Variants in KCTD1 observed in about 807,000 individuals in gnomAD.
The protein encoded by KCTD1 is BTB/POZ domain-containing protein KCTD1.
Under a neutral mutation model 66.0 loss-of-function variants are expected in KCTD1, and 24 were observed. The observed-to-expected ratio is 0.36, with a 90% CI of 0.26 to 0.51. The LOEUF (loss-of-function observed/expected upper bound fraction) is 0.51. Ranked by LOEUF, KCTD1 falls within the 20% of genes least tolerant of loss-of-function variation. The pLI is 0.95. For synonymous variants in KCTD1, 511 were observed against 517.2 expected (o/e 0.99, Z 0.16); for missense variants, 943 against 1,205.2 (o/e 0.78, Z 3.22).
In KCTD1 at chr18:26,501,374, C is replaced by T. The variant is rs150557770; in HGVS notation, c.1810-124G>A. The T allele has an allele frequency of 2.8e-4, 232 of 828,784 alleles. 1 individual carries two copies. In the African/African-American group the frequency reaches 3.0e-3, roughly 11 times the overall value. 51.3% of individuals were successfully genotyped at this position (828,784 alleles called of 1,614,324 possible). On this transcript the variant is annotated intron_variant, in intron 1 of 4. Coordinates refer to ENST00000580059, the MANE Select transcript of KCTD1 (RefSeq NM_001142730.3). ...CATTCAGTAATAAAACCTGAAAAAC[C>T]GGCAAGCTCTTGCTTTTGTTATAAT...
intron 1 of KCTD1, among the ~76,000 whole-genome samples, chr18:26,609,066 G>T (rs1304617726): frequency 6.6e-6 from 1 of 152,040 alleles, no homozygotes; most frequent in Non-Finnish European, 1.5e-5. Context: ...TCAAAACTGG[G>T]GTTGTAACTC....
intron 1 of KCTD1, among the ~76,000 whole-genome samples, chr18:26,587,621 C>T (rs1357830289): frequency 6.6e-6 from 1 of 152,102 alleles, no homozygotes; most frequent in Non-Finnish European, 1.5e-5. Flanking sequence ...CATTTAGATG[C>T]CATTAAGAAC....
At chr18:26,617,192 A>G (rs903401665) in intron 1 of KCTD1, among the ~76,000 whole-genome samples, 2 of 152,224 alleles carry the variant, frequency 1.3e-5, no homozygotes, top group African/African-American at 2.4e-5. Context: ...GGCCATCCCA[A>G]AATAACCTTT....
At chr18:26,546,533 C>T (rs1985228438) in intron 1 of KCTD1, among the ~76,000 whole-genome samples, 195 bp downstream of exon 1, 1 of 152,208 alleles carries the variant, frequency 6.6e-6, no homozygotes, top group Non-Finnish European at 1.5e-5. Flanking sequence ...TGCCCTCTCT[C>T]ACATCTTTTA....
chr18:26,641,203 T>C (rs916840208), upstream of KCTD1, among the ~76,000 whole-genome samples: 11 of 152,176 alleles, frequency 7.2e-5, no homozygotes, highest in African/African-American at 2.4e-4. Flanking sequence ...TTGTTCAAGT[T>C]CCCTGCCCCG....
chr18:26,523,515 G>A (rs1399964672), intron 1 of KCTD1, among the ~76,000 whole-genome samples: 5 of 152,178 alleles, frequency 3.3e-5, no homozygotes, highest in African/African-American at 1.2e-4. Flanking sequence ...GCTGAGTGTG[G>A]TGGCTCAAGC....
chr18:26,492,961 C>T (rs1475330970), intron 2 of KCTD1, among the ~76,000 whole-genome samples: 1 of 152,168 alleles, frequency 6.6e-6, no homozygotes, highest in African/African-American at 2.4e-5. Context: ...ATTATTTTCC[C>T]TTCATTCTTT....
chr18:26,578,057 CTT>C (rs11381611), intron 1 of KCTD1, among the ~76,000 whole-genome samples: 1,528 of 117,008 alleles, frequency 0.013, 25 homozygotes, highest in African/African-American at 0.046. Context: ...TCTTTTCTTT[CTT>C]TTTTTTTTTT....
intron 1 of KCTD1, among the ~76,000 whole-genome samples, chr18:26,567,568 A>G (rs925180246): frequency 1.3e-5 from 2 of 150,004 alleles, no homozygotes; most frequent in Non-Finnish European, 3.0e-5. Context: ...GCTCACTGCA[A>G]CCTCCGCCTC....
At chr18:26,616,346 T>C (rs930571328) in intron 1 of KCTD1, among the ~76,000 whole-genome samples, 4 of 151,968 alleles carry the variant, frequency 2.6e-5, no homozygotes, top group African/African-American at 9.7e-5. Context: ...TATTCCCTTG[T>C]TTTATATGTT....
intron 1 of KCTD1, among the ~76,000 whole-genome samples, chr18:26,517,653 G>C: frequency 9.8e-6 from 1 of 102,134 alleles, no homozygotes; most frequent in South Asian, 3.1e-4. Flanking sequence ...GCGAAACTCC[G>C]TCTCCAAAAA....
chr18:26,581,138 A>G (rs1194938527), intron 1 of KCTD1: 3 of 152,234 alleles, frequency 2.0e-5, no homozygotes, highest in African/African-American at 7.2e-5. Flanking sequence ...GGTGATGTCT[A>G]TGATATGTTA....
At chr18:26,627,182 C>T (rs544173929) in intron 1 of KCTD1, among the ~76,000 whole-genome samples, 8 of 151,912 alleles carry the variant, frequency 5.3e-5, no homozygotes, top group African/African-American at 1.9e-4. Flanking sequence ...GTACTGTCTT[C>T]TACAGCTTTT....
intron 1 of KCTD1, among the ~76,000 whole-genome samples, chr18:26,595,659 C>T (rs1986749554): frequency 6.6e-6 from 1 of 152,224 alleles, no homozygotes; most frequent in Non-Finnish European, 1.5e-5. Context: ...TGAGGCTCAT[C>T]ACTGCTGGAC....
In KCTD1 at chr18:26,476,746, G is replaced by A; in HGVS notation, c.1989-87C>T. Reference sequence around the variant, plus strand: ...AGAGGTGTCTTTTATCACTGTCAAAGGTAGCACTTTTGAAGATGGCAGTAG... The same window carrying A: ...AGAGGTGTCTTTTATCACTGTCAAAAGTAGCACTTTTGAAGATGGCAGTAG... On this transcript the variant is annotated intron_variant, in intron 2 of 4. Coordinates refer to ENST00000580059, the MANE Select transcript of KCTD1 (RefSeq NM_001142730.3). This position sits in a 1 kb window ranked among gnomAD's most constrained non-coding sequence, Gnocchi z 4.9. 2 of 1,232,008 alleles carry A rather than the reference G, an allele frequency of 1.6e-6. No homozygotes were observed. Among genetic ancestry groups the A allele is most frequent in the Middle Eastern group, 1.9e-4 (1 of 5,344 alleles). The allele number at this position is 1,232,008 out of a possible 1,614,324, so 76.3% of individuals were successfully genotyped here. A position where few individuals can be genotyped will look rare whatever the true frequency, so the allele number is the denominator to read the frequency against.
At chr18:26,647,260 G>A (rs1987940795) in intron 1 of KCTD1, among the ~76,000 whole-genome samples, 1 of 151,600 alleles carries the variant, frequency 6.6e-6, no homozygotes, top group Non-Finnish European at 1.5e-5. Context: ...TGTAACCCCA[G>A]CACTTTGGGA....
At chr18:26,656,450 A>G (rs1180557001) in intron 1 of KCTD1, among the ~76,000 whole-genome samples, 1 of 150,842 alleles carries the variant, frequency 6.6e-6, no homozygotes, top group Admixed American at 6.6e-5. Flanking sequence ...TGCATCCAAA[A>G]GGGGGAGGAG....
At chr18:26,576,295 G>GT (rs1986224283) in intron 1 of KCTD1, among the ~76,000 whole-genome samples, 1 of 152,128 alleles carries the variant, frequency 6.6e-6, no homozygotes, top group South Asian at 2.1e-4. Context: ...ATAGTACATG[G>GT]TAGGAATTCA....
At chr18:26,606,575 G>A (rs117892394) in intron 1 of KCTD1, among the ~76,000 whole-genome samples, 59 of 152,278 alleles carry the variant, frequency 3.9e-4, no homozygotes, top group Admixed American at 1.9e-3. Flanking sequence ...GTGCTTCAGC[G>A]ATCTCTTGAA....
Sources: gnomAD v4.1 joint callset for allele counts (sites outside exome capture counted in the v4.1 genomes callset) on GRCh38, gnomAD v4.1.1 for gene constraint, Gnocchi (gnomAD v3.1) non-coding constraint, MANE v1.5 for transcripts, NCBI Gene and HGNC (gene_info 2026-07-23, HGNC 2026-07-21) for gene names.